Variants in STK24 observed in about 807,000 individuals in gnomAD.
The protein encoded by STK24 is serine/threonine-protein kinase 24.
A neutral mutation model predicts 55.6 loss-of-function variants in STK24; 21 were observed. The ratio of observed to expected loss-of-function variants is 0.38; its 90% CI spans 0.27 to 0.54. The LOEUF (loss-of-function observed/expected upper bound fraction) is 0.54, where lower values mean the gene tolerates loss of function less well. STK24 is among the 20% of genes least tolerant of loss of function. The pLI is 0.79. For missense variants in STK24, 383 were observed against 538.4 expected (o/e 0.71, Z 2.86); for synonymous variants, 200 against 215.2 (o/e 0.93, Z 0.62).
chr13:98,536,791 CAG>C (rs1896748441), intron 1 of STK24, among the ~76,000 whole-genome samples: 1 of 152,158 alleles, frequency 6.6e-6, no homozygotes, highest in Non-Finnish European at 1.5e-5. Flanking sequence ...CATCACTCAA[CAG>C]AACCAGAAAC....
At chr13:98,540,521 GTGGA>G (rs1165125360) in intron 1 of STK24, among the ~76,000 whole-genome samples, 1 of 152,058 alleles carries the variant, frequency 6.6e-6, no homozygotes, top group Non-Finnish European at 1.5e-5. Flanking sequence ...GAAATGCCCA[GTGGA>G]TGAAGGACTT....
At chr13:98,501,104 C>T (rs914520438) in intron 2 of STK24, among the ~76,000 whole-genome samples, 1 of 152,186 alleles carries the variant, frequency 6.6e-6, no homozygotes, top group African/African-American at 2.4e-5. Context: ...ATTATTTACA[C>T]CTCTTATGTG....
intron 1 of STK24, among the ~76,000 whole-genome samples, chr13:98,552,638 G>T (rs778322098): frequency 1.3e-5 from 2 of 152,126 alleles, no homozygotes; most frequent in African/African-American, 4.8e-5. Context: ...GAGGTCCAGG[G>T]TGGCTACCGA....
At chr13:98,521,723 ACC>A in intron 1 of STK24, 1 of 772,460 alleles carries the variant, frequency 1.3e-6, no homozygotes, top group Non-Finnish European at 2.4e-6. Flanking sequence ...AATGAAACAT[ACC>A]CCGTTTTCAG....
intron 1 of STK24, among the ~76,000 whole-genome samples, chr13:98,554,156 A>G (rs1040449371): frequency 2.0e-5 from 3 of 152,050 alleles, no homozygotes; most frequent in Non-Finnish European, 4.4e-5. Flanking sequence ...TCTTGTCAAT[A>G]AAGCATTTAA....
At chr13:98,459,008 G>A (rs1371389240) in intron 9 of STK24, among the ~76,000 whole-genome samples, 2 of 152,186 alleles carry the variant, frequency 1.3e-5, no homozygotes, top group Admixed American at 6.5e-5. Flanking sequence ...AGGATATGAC[G>A]GCGTTTAGGA....
chr13:98,508,307 G>A (rs367645098), intron 2 of STK24, among the ~76,000 whole-genome samples: 3 of 152,124 alleles, frequency 2.0e-5, no homozygotes, highest in South Asian at 2.1e-4. Flanking sequence ...AACAGAGGAC[G>A]CTTCAAAGTT....
At chr13:98,566,471 CTAGCCGAGGCCTTGGGCAGGTT>C (rs1897573708) in intron 1 of STK24, among the ~76,000 whole-genome samples, 1 of 152,322 alleles carries the variant, frequency 6.6e-6, no homozygotes, top group Non-Finnish European at 1.5e-5. Context: ...ATGCTGTTTT[CTAGCCGAGGCCTTGGGCAGGTT>C]TCATAAGCCT....
intron 1 of STK24, among the ~76,000 whole-genome samples, chr13:98,574,401 C>T (rs1191613301): frequency 1.3e-5 from 2 of 152,218 alleles, no homozygotes; most frequent in African/African-American, 4.8e-5. Flanking sequence ...GACTTCTCTC[C>T]TCCCATTTAG....
intron 1 of STK24, 25 bp from the exon 2 acceptor site, chr13:98,519,498 G>C (rs1446612479): frequency 6.3e-7 from 1 of 1,587,096 alleles, no homozygotes; most frequent in Admixed American, 1.7e-5. Flanking sequence ...AAGAGAAAAG[G>C]GAAACTTTAG....
intron 1 of STK24, among the ~76,000 whole-genome samples, chr13:98,526,348 G>A (rs900437474): frequency 6.6e-6 from 1 of 152,144 alleles, no homozygotes; most frequent in African/African-American, 2.4e-5. Context: ...GATTTATTGA[G>A]GGTGTACTTG....
intron 2 of STK24, among the ~76,000 whole-genome samples, chr13:98,500,748 A>G (rs1895425894): frequency 6.6e-6 from 1 of 151,534 alleles, no homozygotes; most frequent in Non-Finnish European, 1.5e-5. Context: ...AAGCCCAACT[A>G]TGACAATAAT....
chr13:98,491,200 A>ATC (rs2139322879), intron 2 of STK24, among the ~76,000 whole-genome samples: 1 of 152,292 alleles, frequency 6.6e-6, no homozygotes, highest in African/African-American at 2.4e-5. Context: ...ACCCCTTCTC[A>ATC]TCTCCCTGCG....
At position 98,448,062 on chromosome 13, in the gene STK24, C is replaced by G; in HGVS notation, c.*5111G>C. The G allele has an allele frequency of 1.6e-6, 1 of 642,362 alleles. No homozygotes were observed. The highest frequency in any genetic ancestry group is 2.7e-5 in the East Asian group (1 of 36,414). 39.8% of individuals were successfully genotyped at this position (642,362 alleles called of 1,614,324 possible). The stretch of plus-strand genomic sequence containing the variant: ...AGTGAGTGCCCAGGCCAGTGGGTCT[C>G]CACTGTACCTCAGGAACGCCTGGGT... On this transcript the variant is annotated 3_prime_UTR_variant, in exon 11 of 11. Transcript: ENST00000539966.
intron 1 of STK24, among the ~76,000 whole-genome samples, chr13:98,527,529 GAC>G (rs1896465912): frequency 6.6e-6 from 1 of 152,216 alleles, no homozygotes; most frequent in Non-Finnish European, 1.5e-5. Flanking sequence ...AGGGAGCCCT[GAC>G]ACAGAGGCTG....
At chr13:98,478,937 C>T (rs1409392198) in intron 3 of STK24, among the ~76,000 whole-genome samples, 3 of 152,178 alleles carry the variant, frequency 2.0e-5, no homozygotes, top group Non-Finnish European at 2.9e-5. Context: ...TTCTAACAAA[C>T]GGTGTAATTG....
chr13:98,475,042 G>C (rs1894311620), intron 4 of STK24, 64 bp from the exon 5 acceptor site: 1 of 1,531,506 alleles, frequency 6.5e-7, no homozygotes, highest in African/African-American at 1.4e-5. Context: ...ACTGCCACAA[G>C]CGCGTCTTCT....
intron 1 of STK24, among the ~76,000 whole-genome samples, chr13:98,527,824 C>T (rs879319737): frequency 1.3e-4 from 20 of 152,276 alleles, no homozygotes; most frequent in Admixed American, 1.1e-3. Flanking sequence ...GGCACACCGT[C>T]GAAAATCCCA....
Position 98,446,138 on chromosome 13 carries a change from G to C in STK24, c.*7035C>G, listed in dbSNP as rs769358579. 1.2e-6 allele frequency: 2 copies of C among 1,613,976 alleles called. No homozygotes were observed. Among genetic ancestry groups the C allele is most frequent in the Non-Finnish European group, 1.7e-6 (2 of 1,179,938 alleles). On this transcript the variant is annotated 3_prime_UTR_variant, in exon 11 of 11. Transcript: ENST00000539966. ...AACCTGCTGAGGAAATTCAAAAACA[G>C]CAACGGGTGGCAGAAGCTGTGGGTG...
Sources: gnomAD v4.1 joint callset for allele counts (sites outside exome capture counted in the v4.1 genomes callset) on GRCh38, gnomAD v4.1.1 for gene constraint, MANE v1.5 for transcripts, NCBI Gene and HGNC (gene_info 2026-07-23, HGNC 2026-07-21) for gene names.